FSIP2: variants seen among roughly 807,000 people sequenced by gnomAD.
The protein encoded by FSIP2 is fibrous sheath interacting protein 2, also known as fibrous sheath-interacting protein 2.
In FSIP2, 367 loss-of-function variants were observed where a neutral mutation model predicts 510.5. That is an observed-to-expected ratio of 0.72 (90% CI 0.66 to 0.78). FSIP2 has a LOEUF of 0.78. Among genes scored for constraint, FSIP2 ranks in the 30% least tolerant of loss-of-function variants. FSIP2 has a pLI of 0.00. For missense variants in FSIP2, 7,594 were observed against 7,901.7 expected, an observed-to-expected ratio of 0.96 and a Z score of 1.48; for synonymous variants, 2,601 against 2,732.2, an observed-to-expected ratio of 0.95 and a Z score of 1.50.
In FSIP2 at chr2:185,790,026, A is replaced by T; in HGVS notation, c.2890A>T (p.Ser964Cys). ...FQKSRQPRIS[S>C]PSDTKEKYRL... is the part of the protein sequence containing the mutation. ...AAAAAGTAGGCAACCTAGAATAAGT[A>T]GTCCTTCTGACACCAAAGAAAAGTA... Residue 964 changes from serine to cysteine, a missense_variant, in exon 16 of 23, where the codon AGT (serine) becomes TGT (cysteine). Physicochemically the swap from Ser to Cys is moderately radical, Grantham distance 112. Transcript: ENST00000424728. 1 of 1,533,846 alleles carries T rather than the reference A, an allele frequency of 6.5e-7. No homozygotes were observed. The highest frequency in any genetic ancestry group is 8.7e-7 in the Non-Finnish European group (1 of 1,145,414).
chr2:185,746,890 T>TG (rs1398410113), intron 6 of FSIP2, 80 bp downstream of exon 6: 2 of 999,974 alleles, frequency 2.0e-6, no homozygotes, highest in African/African-American at 3.2e-5. Flanking sequence ...AACTGTACAT[T>TG]GTGCTGCTTG....
Position 185,796,037 on chromosome 2 carries a change from C to T in FSIP2, c.8901C>T (p.Ser2967=), listed in dbSNP as rs1209429929. Residue 2967 remains serine (S), a synonymous_variant, in exon 16 of 23, where the codon AGC becomes AGT. Transcript: ENST00000424728. ...GTTTTCCAAACAAGCATAGCCTCAG[C>T]AGTTTACCAATCTATAACACAAAGA... ...KYGFPNKHSL[S]SLPIYNTKTK... is the part of the protein sequence containing the mutation. 2.6e-6 allele frequency: 4 copies of T among 1,532,806 alleles called. No homozygotes were observed. The African/African-American group carries it at 4.1e-5, about 16-fold the overall frequency. 95.0% of individuals were successfully genotyped at this position (1,532,806 alleles called of 1,614,324 possible).
At position 185,796,146 on chromosome 2, in the gene FSIP2, G is replaced by A. The variant is rs1441859413; in HGVS notation, c.9010G>A (p.Val3004Met). Residue 3004 changes from valine to methionine, a missense_variant, in exon 16 of 23, where the codon GTG becomes ATG. Physicochemically the swap from Val to Met is conservative, Grantham distance 21. Transcript: ENST00000424728. ...GGTTTTAAACATGTTAGAGTCATTT[G>A]TGGACTTGCAGTTTAAACATATCTC... ...ETVLNMLESF[V>M]DLQFKHISKY... 5.2e-6 allele frequency: 8 copies of A among 1,534,248 alleles called. No homozygotes were observed. The highest frequency in any genetic ancestry group is 3.4e-4 in the Middle Eastern group (2 of 5,970).
chr2:185,742,654 T>G (rs962504327), intron 2 of FSIP2, among the ~76,000 whole-genome samples: 1 of 152,260 alleles, frequency 6.6e-6, no homozygotes, highest in Non-Finnish European at 1.5e-5. Flanking sequence ...TACTATTTGT[T>G]AAAGTTATTT....
chr2:185,762,129 A>C, intron 11 of FSIP2, 112 bp downstream of exon 11: 1 of 533,614 alleles, frequency 1.9e-6, no homozygotes, highest in South Asian at 3.0e-5. Context: ...TATTCTAAAA[A>C]ATTAAGGCTG....
intron 2 of FSIP2, among the ~76,000 whole-genome samples, chr2:185,740,154 C>T (rs1691895701): frequency 6.6e-6 from 1 of 152,082 alleles, no homozygotes; most frequent in South Asian, 2.1e-4. Context: ...TCAACTTTGC[C>T]CCCAAACCTG....
In FSIP2 at chr2:185,805,259, C is replaced by G; in HGVS notation, c.15953C>G (p.Ser5318Cys). The G allele has an allele frequency of 6.3e-7, 1 of 1,589,120 alleles. No individual in the cohort carries two copies. Among genetic ancestry groups the G allele is most frequent in the Non-Finnish European group, 8.5e-7 (1 of 1,171,368 alleles). Residue 5318 changes from serine to cysteine, a missense_variant, in exon 17 of 23, where the codon TCT (serine) becomes TGT (cysteine). By Grantham distance (112) the Ser-to-Cys change is moderately radical. Transcript: ENST00000424728. ...IMGLALKLAN[S>C]LIREFKKSDI... ...GGCTTGGCTCTAAAACTTGCAAATT[C>G]TCTGATAAGGGAATTTAAGAAAAGT...
At chr2:185,767,729 G>A (rs896285962) in intron 13 of FSIP2, among the ~76,000 whole-genome samples, 2 of 151,962 alleles carry the variant, frequency 1.3e-5, no homozygotes, top group Admixed American at 6.6e-5. Flanking sequence ...CTATCTCTTG[G>A]TATATATCAG....
In FSIP2 at chr2:185,813,755, A is replaced by C; in HGVS notation, c.20038A>C (p.Ile6680Leu). ...LTQTFAKEEG[I>L]KVFEDQVKEV... The stretch of plus-strand genomic sequence containing the variant: ...ACAGACTTTTGCAAAAGAAGAAGGC[A>C]TCAAAGTATTTGAAGATCAAGTGAA... Residue 6680 changes from isoleucine to leucine, a missense_variant, in exon 18 of 23, where the codon ATC (isoleucine) becomes CTC (leucine). By Grantham distance (5) the Ile-to-Leu change is conservative (BLOSUM62 2). Coordinates refer to ENST00000424728, the MANE Select transcript of FSIP2 (RefSeq NM_173651.4). 1 of 1,612,842 alleles carries C rather than the reference A, an allele frequency of 6.2e-7. No individual in the cohort carries two copies. The highest frequency in any genetic ancestry group is 1.1e-5 in the South Asian group (1 of 91,046).
chr2:185,793,033 C>G lies in FSIP2; in HGVS notation c.5897C>G (p.Ser1966Ter), dbSNP rs761467135. The change falls in exon 16 of 23, where the codon TCA becomes TGA. Residue 1966 changes from serine to a stop codon, truncating the protein, a stop_gained. Transcript: ENST00000424728. LOFTEE classifies it high-confidence loss of function. ...QDHSTLSKAL[S>*]AKDSYSDEQF... Reference sequence around the variant, plus strand: ...CACAGTACATTGAGCAAAGCATTATCAGCCAAAGATTCATATTCTGATGAG... The same window carrying G: ...CACAGTACATTGAGCAAAGCATTATGAGCCAAAGATTCATATTCTGATGAG... The G allele has an allele frequency of 1.3e-6, 2 of 1,534,290 alleles. No homozygotes were observed. The highest frequency in any genetic ancestry group is 2.4e-5 in the South Asian group (2 of 84,030).
At chr2:185,773,473 C>T (rs1403754746) in intron 13 of FSIP2, among the ~76,000 whole-genome samples, 1 of 152,168 alleles carries the variant, frequency 6.6e-6, no homozygotes, top group South Asian at 2.1e-4. Context: ...TTCAAACATA[C>T]ATTAGATCAC....
chr2:185,797,141 T>C lies in FSIP2; in HGVS notation c.10005T>C (p.Asn3335=). 3 of 1,534,972 alleles carry C rather than the reference T, an allele frequency of 2.0e-6. No individual in the cohort carries two copies. The highest frequency in any genetic ancestry group is 1.7e-6 in the Non-Finnish European group (2 of 1,146,224). The part of the protein sequence containing the change: ...KICLAAENIV[N]TVLSSCGFPS... ...GTTTAGCTGCAGAAAATATTGTCAA[T>C]ACTGTGCTATCCAGCTGTGGCTTTC... Residue 3335 remains asparagine, a synonymous_variant, in exon 16 of 23, where the codon AAT becomes AAC. Coordinates refer to ENST00000424728, the MANE Select transcript of FSIP2 (RefSeq NM_173651.4).
Position 185,803,152 on chromosome 2 carries a change from A to G in FSIP2, c.13846A>G (p.Ser4616Gly). 6.5e-7 allele frequency: 1 copy of G among 1,531,144 alleles called. No individual in the cohort carries two copies. 94.8% of individuals were successfully genotyped at this position (1,531,144 alleles called of 1,614,324 possible). Residue 4616 changes from serine to glycine, a missense_variant, in exon 17 of 23, where the codon AGT (serine) becomes GGT (glycine). Transcript: ENST00000424728. ...DDERRQLFYT[S>G]VYSSTFLEDV... ...TGAGAGAAGGCAGTTATTTTATACC[A>G]GTGTTTACTCTTCAACATTCTTGGA...
chr2:185,814,031 C>T lies in FSIP2; in HGVS notation c.20314C>T (p.Pro6772Ser). 1 of 1,611,080 alleles carries T rather than the reference C, an allele frequency of 6.2e-7. No homozygotes were observed. The highest frequency in any genetic ancestry group is 1.1e-5 in the South Asian group (1 of 90,758). ...ETASSSWEEK[P>S]QCKKEEKNLV... ...AGCCTCTTCATCTTGGGAGGAAAAG[C>T]CCCAGTGTAAGGTAAGTGATAAGCA... Residue 6772 changes from proline to serine, a missense_variant, in exon 18 of 23, where the codon CCC (proline) becomes TCC (serine). Coordinates refer to ENST00000424728, the MANE Select transcript of FSIP2 (RefSeq NM_173651.4).
intron 5 of FSIP2, among the ~76,000 whole-genome samples, chr2:185,746,203 A>G (rs745769635): frequency 8.5e-5 from 13 of 152,120 alleles, no homozygotes; most frequent in Admixed American, 3.3e-4. Context: ...CCAGAGATCC[A>G]GACTACAGAT....
In FSIP2 at chr2:185,746,802, A is replaced by G; in HGVS notation, c.751A>G (p.Ile251Val). 1 of 1,512,136 alleles carries G rather than the reference A, an allele frequency of 6.6e-7. No individual in the cohort carries two copies. Among genetic ancestry groups the G allele is most frequent in the Middle Eastern group, 1.7e-4 (1 of 5,856 alleles). 93.7% of individuals were successfully genotyped at this position (1,512,136 alleles called of 1,614,324 possible). ...TRRKLTLRRK[I>V]EEEWKTKEML... is the part of the protein sequence containing the mutation. Reference sequence around the variant, plus strand: ...AAGAAAACTTACTCTTCGTAGAAAAATAGAAGAGGTGAGAGACAACAACTT... The same window carrying G: ...AAGAAAACTTACTCTTCGTAGAAAAGTAGAAGAGGTGAGAGACAACAACTT... Residue 251 changes from isoleucine (I) to valine (V), a missense_variant, in exon 6 of 23, where the codon ATA (isoleucine) becomes GTA (valine). Coordinates refer to ENST00000424728, the MANE Select transcript of FSIP2 (RefSeq NM_173651.4).
At chr2:185,761,601 A>G (rs1393546517) in intron 10 of FSIP2, among the ~76,000 whole-genome samples, 3 of 151,188 alleles carry the variant, frequency 2.0e-5, no homozygotes, top group Non-Finnish European at 4.5e-5. Context: ...TTTAATAAGC[A>G]TTACACTGGT....
chr2:185,789,684 A>T lies in FSIP2; in HGVS notation c.2548A>T (p.Lys850Ter), dbSNP rs533125062. ...NEFLHLKDTNKLSCQQHKTDP... is the reference protein window; with the variant it reads ...NEFLHLKDTN ...ATTTCTTCATCTTAAAGACACAAATAAGCTTTCCTGCCAGCAACATAAGAC... is the reference window on the plus strand; with the variant it reads ...ATTTCTTCATCTTAAAGACACAAATTAGCTTTCCTGCCAGCAACATAAGAC... Residue 850 changes from lysine (K) to a stop codon, truncating the protein, a stop_gained, in exon 16 of 23, where the codon AAG becomes TAG. Transcript: ENST00000424728. LOFTEE classifies it high-confidence loss of function. The T allele has an allele frequency of 6.5e-7, 1 of 1,534,008 alleles. No individual in the cohort carries two copies. The highest frequency in any genetic ancestry group is 8.7e-7 in the Non-Finnish European group (1 of 1,145,686).
In FSIP2 at chr2:185,805,334, T is replaced by C. The variant is rs773467281; in HGVS notation, c.16028T>C (p.Ile5343Thr). 22 of 1,598,898 alleles carry C rather than the reference T, an allele frequency of 1.4e-5. No homozygotes were observed. In the South Asian group the frequency reaches 2.4e-4, roughly 17 times the overall value. Residue 5343 changes from isoleucine to threonine, a missense_variant, in exon 17 of 23, where the codon ATT (isoleucine) becomes ACT (threonine). By Grantham distance (89) the Ile-to-Thr change is moderately conservative. Transcript: ENST00000424728. ...GAAAAAATGTTTTCTTTTCCACCAATTGATAAAGAGACAGTTGATAAAATA... is the reference window on the plus strand; with the variant it reads ...GAAAAAATGTTTTCTTTTCCACCAACTGATAAAGAGACAGTTGATAAAATA... ...NAEKMFSFPPIDKETVDKISN... is the reference protein window; with the variant it reads ...NAEKMFSFPPTDKETVDKISN...
Sources: allele counts gnomAD v4.1 joint callset (sites outside exome capture counted in the v4.1 genomes callset), GRCh38; gene constraint gnomAD v4.1.1; transcripts MANE v1.5; gene names NCBI Gene and HGNC (gene_info 2026-07-23, HGNC 2026-07-21).